Variants in TPO observed in about 807,000 individuals in gnomAD.
TPO encodes the protein thyroid microsomal antigen.
In TPO, 78 loss-of-function variants were observed where a neutral mutation model predicts 96.9. The observed-to-expected ratio is 0.81, with a 90% CI of 0.67 to 0.97. TPO has a LOEUF of 0.97. TPO is among the 50% of genes least tolerant of loss of function. The pLI, the probability that TPO is intolerant of heterozygous loss-of-function variation, is 0.00. For synonymous variants in TPO, 547 were observed against 538.0 expected, an observed-to-expected ratio of 1.02 and a Z score of -0.23; for missense variants, 1,252 against 1,274.8, an observed-to-expected ratio of 0.98 and a Z score of 0.27.
At chr2:1,458,606 C>G (rs144621632) in intron 7 of TPO, among the ~76,000 whole-genome samples, 22 of 148,736 alleles carry the variant, frequency 1.5e-4, no homozygotes, top group African/African-American at 5.6e-4. Context: ...ATATAAGATA[C>G]TGTGTGGGCA....
chr2:1,452,054 A>G (rs1667352295), intron 5 of TPO, among the ~76,000 whole-genome samples: 1 of 152,200 alleles, frequency 6.6e-6, no homozygotes, highest in African/African-American at 2.4e-5. Flanking sequence ...CCATGCATTT[A>G]TATATTTGAA....
chr2:1,500,876 G>A (rs1263171105), intron 13 of TPO, among the ~76,000 whole-genome samples: 1 of 151,634 alleles, frequency 6.6e-6, no homozygotes, highest in African/African-American at 2.4e-5. Flanking sequence ...GGAGGCTGAG[G>A]CAAGAGAATT....
At chr2:1,417,066 C>T (rs767603459) in intron 2 of TPO, among the ~76,000 whole-genome samples, 3 of 152,358 alleles carry the variant, frequency 2.0e-5, no homozygotes, top group Admixed American at 6.5e-5. Context: ...AGGCTGTGGC[C>T]GCTCAGTCTC....
At chr2:1,482,938 C>T (rs891829400) in intron 8 of TPO, among the ~76,000 whole-genome samples, 2 of 152,194 alleles carry the variant, frequency 1.3e-5, no homozygotes, top group African/African-American at 4.8e-5. Flanking sequence ...ACTTTGGCCT[C>T]CCAAAGTGCT....
At chr2:1,431,939 G>A (rs1422670984) in intron 3 of TPO, among the ~76,000 whole-genome samples, 2 of 152,162 alleles carry the variant, frequency 1.3e-5, no homozygotes, top group Admixed American at 6.5e-5. Context: ...TCTGTCTGGC[G>A]TCTGACACTC....
intron 5 of TPO, among the ~76,000 whole-genome samples, chr2:1,447,659 T>A (rs181420877): frequency 2.3e-4 from 35 of 152,240 alleles, no homozygotes; most frequent in Non-Finnish European, 3.1e-4. Flanking sequence ...TATATATAGG[T>A]AGATTTGTAT....
At chr2:1,488,133 AGTTCATT>A in intron 10 of TPO, 142 bp downstream of exon 10, 1 of 1,222,244 alleles carries the variant, frequency 8.2e-7, no homozygotes, top group Non-Finnish European at 1.2e-6. Flanking sequence ...AAAGGGCTCC[AGTTCATT>A]CAGCTAAAGT....
chr2:1,396,007 T>A (rs1359957267), intron 1 of TPO, among the ~76,000 whole-genome samples: 2 of 152,212 alleles, frequency 1.3e-5, no homozygotes, highest in Non-Finnish European at 2.9e-5. Flanking sequence ...AACAGACTAA[T>A]ACAATGAGGA....
At chr2:1,461,604 C>G (rs1668439553) in intron 7 of TPO, among the ~76,000 whole-genome samples, 1 of 152,168 alleles carries the variant, frequency 6.6e-6, no homozygotes. Context: ...ATAAATATAC[C>G]CACAGGCATG....
rs1672392713 is a variant in TPO at position 1,496,743 on chromosome 2, T to G, written c.2364T>G (p.Asp788Glu). ...EQLTCTQEGWDFQPPLCKDVN... is the reference protein window; with the variant it reads ...EQLTCTQEGWEFQPPLCKDVN... ...TCACTTGCACCCAGGAAGGATGGGATTTCCAGCCTCCCCTCTGCAAAGGTC... is the reference window on the plus strand; with the variant it reads ...TCACTTGCACCCAGGAAGGATGGGAGTTCCAGCCTCCCCTCTGCAAAGGTC... Residue 788 changes from aspartate to glutamate, a missense_variant, in exon 13 of 17, where the codon GAT (aspartate) becomes GAG (glutamate). By Grantham distance (45) the Asp-to-Glu change is conservative. Coordinates refer to ENST00000329066, the MANE Select transcript of TPO (RefSeq NM_001206744.2). 1 of 1,614,026 alleles carries G rather than the reference T, an allele frequency of 6.2e-7. No homozygotes were observed. The highest frequency in any genetic ancestry group is 1.3e-5 in the African/African-American group (1 of 74,920).
At chr2:1,524,505 G>A (rs1457156730) in intron 15 of TPO, among the ~76,000 whole-genome samples, 17 of 92,346 alleles carry the variant, frequency 1.8e-4, no homozygotes, top group African/African-American at 7.7e-4. Context: ...TCCTCCCACT[G>A]TGTGCAGCCT....
Position 1,401,495 on chromosome 2 carries a change from C to T in TPO, n.180+27093C>T, listed in dbSNP as rs549334711. Reference sequence around the variant, plus strand: ...AAGAACCCCAGCCCTGGAGCCTTCCCAGCCTAGTGTCCTCCCAGCGAGAAT... The same window carrying T: ...AAGAACCCCAGCCCTGGAGCCTTCCTAGCCTAGTGTCCTCCCAGCGAGAAT... On this transcript the variant is annotated intron_variant and non_coding_transcript_variant, in intron 1 of 5. Coordinates refer to the TPO transcript ENST00000497517. Among the ~76,000 whole-genome samples the T allele has an allele frequency of 3.3e-5, 5 of 152,266 alleles. No individual in the cohort carries two copies. The South Asian group carries it at 1.0e-3, about 32-fold the overall frequency.
chr2:1,475,686 T>TTGCTGGGCGCCCACCTCAGCCTCCCAAAG (rs913011725), intron 7 of TPO, among the ~76,000 whole-genome samples: 1 of 152,058 alleles, frequency 6.6e-6, no homozygotes, highest in Non-Finnish European at 1.5e-5. Flanking sequence ...GCCTCCCAAA[T>TTGCTGGGCGCCCACCTCAGCCTCCCAAAG]TGCTGGGCGC....
At chr2:1,428,193 G>T (rs1365402694) in intron 3 of TPO, among the ~76,000 whole-genome samples, 1 of 152,196 alleles carries the variant, frequency 6.6e-6, no homozygotes, top group African/African-American at 2.4e-5. Flanking sequence ...TGAAGCTGAG[G>T]TCTTAAAGTA....
At chr2:1,470,922 C>T (rs1669345395) in intron 7 of TPO, among the ~76,000 whole-genome samples, 1 of 152,226 alleles carries the variant, frequency 6.6e-6, no homozygotes, top group Non-Finnish European at 1.5e-5. Flanking sequence ...GGTAGATTTC[C>T]AACGCAGTGC....
chr2:1,418,313 A>G lies in TPO; in HGVS notation c.94+3811A>G, dbSNP rs114265214. On this transcript the variant is annotated intron_variant, in intron 2 of 16. Coordinates refer to ENST00000329066, the MANE Select transcript of TPO (RefSeq NM_001206744.2). ...AAAAAAAAAAAAAGAGAGAGAGAGA[A>G]AAAAAGAAAAGCATCAGTCCTGGAT... Among the ~76,000 whole-genome samples the G allele has an allele frequency of 9.3e-3, 1,394 of 150,260 alleles. 16 individuals carry two copies. The highest frequency in any genetic ancestry group is 0.032 in the African/African-American group (1,290 of 39,962).
At chr2:1,494,648 C>T (rs1356061203) in intron 11 of TPO, among the ~76,000 whole-genome samples, 4 of 152,158 alleles carry the variant, frequency 2.6e-5, no homozygotes, top group Admixed American at 1.3e-4. Flanking sequence ...TGAGTGCATG[C>T]CCCCCGTAGA....
At chr2:1,425,795 T>A (rs1454715750) in intron 3 of TPO, among the ~76,000 whole-genome samples, 3 of 152,208 alleles carry the variant, frequency 2.0e-5, no homozygotes, top group African/African-American at 7.2e-5. Flanking sequence ...TCATTTCATA[T>A]CCTCAGAAGT....
intron 14 of TPO, among the ~76,000 whole-genome samples, chr2:1,511,106 C>T (rs898198588): frequency 6.6e-6 from 1 of 151,540 alleles, no homozygotes; most frequent in Non-Finnish European, 1.5e-5. Context: ...TCTGCTTTTG[C>T]AGTGTTTTGT....
Sources: allele counts gnomAD v4.1 joint callset (sites outside exome capture counted in the v4.1 genomes callset), GRCh38; gene constraint gnomAD v4.1.1; transcripts MANE v1.5; gene names NCBI Gene and HGNC (gene_info 2026-07-23, HGNC 2026-07-21).